The following GLIS3 variants were observed in gnomAD, a reference collection of about 807,000 sequenced individuals.
The protein encoded by GLIS3 is zinc finger protein GLIS3.
Under a neutral mutation model 78.6 loss-of-function variants are expected in GLIS3, and 53 were observed. The observed-to-expected ratio is 0.67, with a 90% CI of 0.54 to 0.85. The LOEUF is 0.85. Among genes scored for constraint, GLIS3 ranks in the 40% least tolerant of loss-of-function variants. GLIS3 has a pLI of 0.00. For synonymous variants in GLIS3, 684 were observed against 509.9 expected, an observed-to-expected ratio of 1.34 and a Z score of -4.60; for missense variants, 1,703 against 1,231.1, an observed-to-expected ratio of 1.38 and a Z score of -5.74.
intron 4 of GLIS3, among the ~76,000 whole-genome samples, chr9:3,988,750 C>G (rs117822062): frequency 6.6e-6 from 1 of 151,624 alleles, no homozygotes; most frequent in African/African-American, 2.4e-5. Context: ...ATACGTTATA[C>G]GAAGATGAAC....
At chr9:4,241,273 T>G (rs574024215) in intron 2 of GLIS3, among the ~76,000 whole-genome samples, 1 of 152,272 alleles carries the variant, frequency 6.6e-6, no homozygotes, top group South Asian at 2.1e-4. Flanking sequence ...AGCAATTCAT[T>G]GTCAGCTCAA....
At chr9:4,078,702 T>C (rs1027643141) in intron 4 of GLIS3, among the ~76,000 whole-genome samples, 12 of 152,228 alleles carry the variant, frequency 7.9e-5, no homozygotes, top group Admixed American at 1.3e-4. Context: ...TTTTTCACTA[T>C]AATCCCCCTT....
the GLIS3 span, among the ~76,000 whole-genome samples, chr9:4,481,226 G>A: frequency 6.6e-6 from 1 of 151,964 alleles, no homozygotes; most frequent in Non-Finnish European, 1.5e-5. Context: ...GCTCATGCCT[G>A]TAATCCCAGT....
At chr9:4,335,876 C>T (rs570554747) in intron 2 of GLIS3, among the ~76,000 whole-genome samples, 1 of 152,252 alleles carries the variant, frequency 6.6e-6, no homozygotes, top group East Asian at 1.9e-4. Context: ...GTGTTTGTAT[C>T]CAGTTCCAAG....
At chr9:4,430,484 T>C in the GLIS3 span, among the ~76,000 whole-genome samples, 12 of 152,252 alleles carry the variant, frequency 7.9e-5, no homozygotes, top group African/African-American at 2.7e-4. Flanking sequence ...GTGCAAAATA[T>C]TTGGGCAGGG....
At chr9:4,114,437 C>G (rs1831470597) in intron 4 of GLIS3, among the ~76,000 whole-genome samples, 1 of 152,132 alleles carries the variant, frequency 6.6e-6, no homozygotes, top group Non-Finnish European at 1.5e-5. Flanking sequence ...AATTCAGAGA[C>G]TCCATGACTT....
intron 4 of GLIS3, among the ~76,000 whole-genome samples, chr9:3,961,522 G>T (rs149946455): frequency 1.4e-3 from 219 of 152,316 alleles, no homozygotes; most frequent in African/African-American, 4.4e-3. Context: ...TTCGTTGAAA[G>T]TTTCTTGATT....
chr9:4,476,082 T>C, the GLIS3 span, among the ~76,000 whole-genome samples: 1 of 152,154 alleles, frequency 6.6e-6, no homozygotes, highest in Non-Finnish European at 1.5e-5. Flanking sequence ...GAGTGAACTA[T>C]GTAAATGTTT....
chr9:4,200,002 A>C (rs888522107), intron 2 of GLIS3, among the ~76,000 whole-genome samples: 3 of 152,232 alleles, frequency 2.0e-5, no homozygotes, highest in Non-Finnish European at 4.4e-5. Flanking sequence ...AATACCAAGA[A>C]GACCTCTCAA....
At chr9:3,871,170 A>G (rs1820945678) in intron 8 of GLIS3, among the ~76,000 whole-genome samples, 1 of 152,190 alleles carries the variant, frequency 6.6e-6, no homozygotes, top group South Asian at 2.1e-4. Context: ...CTGATGCAAG[A>G]GGTGGGTTCC....
In GLIS3 at chr9:4,025,588, A is replaced by G. The variant is rs553331375; in HGVS notation, c.1711-88399T>C. Among the ~76,000 whole-genome samples, 4 of 152,114 alleles carry G rather than the reference A, an allele frequency of 2.6e-5. No individual in the cohort carries two copies. In the East Asian group the frequency reaches 7.8e-4, roughly 30 times the overall value. On this transcript the variant is annotated intron_variant, in intron 4 of 10. Transcript: ENST00000381971. ...TTTTTAGTAGAGACGGGGTTTCACCATGTTTGCCAGGAGGGTCTGCGTCTC... is the reference window on the plus strand; with the variant it reads ...TTTTTAGTAGAGACGGGGTTTCACCGTGTTTGCCAGGAGGGTCTGCGTCTC...
At chr9:4,342,746 A>G (rs1003877255) in intron 2 of GLIS3, among the ~76,000 whole-genome samples, 3 of 152,092 alleles carry the variant, frequency 2.0e-5, no homozygotes, top group Non-Finnish European at 4.4e-5. Context: ...ATGTTTTTGC[A>G]TTTGTTTGTG....
the GLIS3 span, among the ~76,000 whole-genome samples, chr9:4,479,365 C>A: frequency 2.0e-5 from 3 of 152,172 alleles, no homozygotes; most frequent in Non-Finnish European, 2.9e-5. Context: ...TTGCAACATT[C>A]CCTGTGGGCC....
At chr9:4,458,182 G>A in the GLIS3 span, among the ~76,000 whole-genome samples, 2 of 152,090 alleles carry the variant, frequency 1.3e-5, no homozygotes, top group African/African-American at 4.8e-5. Flanking sequence ...AGACTGTCTT[G>A]CTCTACTTGG....
chr9:4,127,180 G>C (rs930552541), intron 2 of GLIS3, among the ~76,000 whole-genome samples: 47 of 152,154 alleles, frequency 3.1e-4, no homozygotes, highest in African/African-American at 1.1e-3. Context: ...TCCTGGTCTA[G>C]TGCAGACTTA....
intron 2 of GLIS3, among the ~76,000 whole-genome samples, chr9:4,208,235 C>T (rs1820055380): frequency 6.6e-6 from 1 of 152,218 alleles, no homozygotes; most frequent in Admixed American, 6.5e-5. Context: ...AACAAGTAGA[C>T]ATTCTCCCCA....
At chr9:3,880,559 C>T (rs1389316061) in intron 7 of GLIS3, among the ~76,000 whole-genome samples, 1 of 152,108 alleles carries the variant, frequency 6.6e-6, no homozygotes, top group Non-Finnish European at 1.5e-5. Context: ...TCTTTTTGAA[C>T]TTACTCTACT....
rs572495867 is a variant in GLIS3, at chr9:3,826,207, T to C, written c.*2065A>G. On this transcript the variant is annotated 3_prime_UTR_variant, in exon 11 of 11. Transcript: ENST00000381971. ...CATTGTACAAATGAAATGAAATGTA[T>C]TTTGAGTTCCTTGTAAAGGCTTCCA... The C allele has an allele frequency of 1.2e-4, 19 of 152,358 alleles. No individual in the cohort carries two copies. Among genetic ancestry groups the C allele is most frequent in the Admixed American group, 5.9e-4 (9 of 15,308 alleles). 9.4% of individuals were successfully genotyped at this position (152,358 alleles called of 1,614,324 possible). A position where few individuals can be genotyped will look rare whatever the true frequency, so the allele number is the denominator to read the frequency against.
chr9:4,321,999 G>A (rs113803114), intron 2 of GLIS3, among the ~76,000 whole-genome samples: 9,866 of 152,082 alleles, frequency 0.065, 603 homozygotes, highest in African/African-American at 0.15. Flanking sequence ...ATTCACATTA[G>A]GTATTTCTCC....
Sources: gnomAD v4.1 joint callset for allele counts (sites outside exome capture counted in the v4.1 genomes callset) on GRCh38, gnomAD v4.1.1 for gene constraint, MANE v1.5 for transcripts, NCBI Gene and HGNC (gene_info 2026-07-23, HGNC 2026-07-21) for gene names.